Variants in RPS6KA3 observed in about 807,000 individuals in gnomAD.
The protein encoded by RPS6KA3 is ribosomal protein S6 kinase A3.
RPS6KA3 carries 4 observed loss-of-function variants against 67.2 expected under a neutral mutation model. The observed-to-expected ratio is 0.06, with a 90% confidence interval of 0.03 to 0.14. RPS6KA3 has a LOEUF of 0.14. Among genes scored for constraint, RPS6KA3 ranks in the 10% least tolerant of loss-of-function variants. The pLI is 1.00. For missense variants in RPS6KA3, 204 were observed against 559.0 expected, an observed-to-expected ratio of 0.36 and a Z score of 6.40; for synonymous variants, 182 against 183.7, an observed-to-expected ratio of 0.99 and a Z score of 0.07.
intron 2 of RPS6KA3, among the ~76,000 whole-genome samples, chrX:20,219,261 T>A (rs1464807522): frequency 9.0e-6 from 1 of 111,705 alleles, no homozygotes; most frequent in South Asian, 3.7e-4. Flanking sequence ...TTGCCACTAC[T>A]AAAAGTTGCT....
intron 1 of RPS6KA3, among the ~76,000 whole-genome samples, chrX:20,256,007 G>A (rs1244674510): frequency 9.7e-6 from 1 of 103,138 alleles, no homozygotes; most frequent in African/African-American, 3.6e-5. Context: ...CTACTCGGGA[G>A]GCTGAGGCAG....
At chrX:20,229,690 C>A (rs1332184117) in intron 2 of RPS6KA3, among the ~76,000 whole-genome samples, 1 of 112,209 alleles carries the variant, frequency 8.9e-6, no homozygotes, top group African/African-American at 3.2e-5. Flanking sequence ...AAAGCAAATA[C>A]AATTTTAAAT....
At chrX:20,254,284 C>T (rs902660910) in intron 1 of RPS6KA3, among the ~76,000 whole-genome samples, 2 of 112,150 alleles carry the variant, frequency 1.8e-5, no homozygotes, top group Non-Finnish European at 3.8e-5. Flanking sequence ...AACTCTTGCA[C>T]TTTTGCTTTA....
At chrX:20,231,441 TGGAAGA>T (rs1463975547) in intron 2 of RPS6KA3, among the ~76,000 whole-genome samples, 1 of 112,022 alleles carries the variant, frequency 8.9e-6, no homozygotes, top group Non-Finnish European at 1.9e-5. Context: ...AAAGTTTATC[TGGAAGA>T]TTAAATGTGT....
At chrX:20,163,173 G>A in intron 18 of RPS6KA3, 133 bp from the exon 19 acceptor site, 1 of 487,276 alleles carries the variant, frequency 2.1e-6, no homozygotes, top group Non-Finnish European at 3.7e-6. Flanking sequence ...ACCAAATAAG[G>A]CAATACGTTA....
chrX:20,172,494 C>T (rs1226708232), intron 15 of RPS6KA3, among the ~76,000 whole-genome samples: 1 of 111,309 alleles, frequency 9.0e-6, no homozygotes, highest in Non-Finnish European at 1.9e-5. Flanking sequence ...CTTTAAAAAT[C>T]ACTTGAGGTA....
intron 4 of RPS6KA3, among the ~76,000 whole-genome samples, chrX:20,200,424 ACT>A (rs1272369852): frequency 8.9e-6 from 1 of 112,041 alleles, no homozygotes; most frequent in East Asian, 2.8e-4. Context: ...ATATGATAAG[ACT>A]CTACAGATAT....
chrX:20,224,171 T>C (rs1037628390), intron 2 of RPS6KA3, among the ~76,000 whole-genome samples: 8 of 111,556 alleles, frequency 7.2e-5, no homozygotes, highest in Non-Finnish European at 1.1e-4. Context: ...CAAGTTCTTA[T>C]AGTTTGGATG....
rs1035517287 is a variant in RPS6KA3, at chrX:20,153,727, C to A, written c.*1671G>T. On this transcript the variant is annotated 3_prime_UTR_variant, in exon 22 of 22. Coordinates refer to ENST00000379565, the MANE Select transcript of RPS6KA3 (RefSeq NM_004586.3). The stretch of plus-strand genomic sequence containing the variant: ...CACCACCTCCCAGGTTCAAGCGATT[C>A]TCCTGCCTCAGCCTCCTGAGTAGCT... 3 of 110,044 alleles carry A rather than the reference C, an allele frequency of 2.7e-5. No homozygotes were observed. Among genetic ancestry groups the A allele is most frequent in the Non-Finnish European group, 5.7e-5 (3 of 52,841 alleles). The allele number at this position is 110,044 out of a possible 1,213,427, so 9.1% of individuals were successfully genotyped here.
At chrX:20,249,642 G>C (rs181981160) in intron 1 of RPS6KA3, among the ~76,000 whole-genome samples, 47 of 111,867 alleles carry the variant, frequency 4.2e-4, no homozygotes, top group African/African-American at 1.5e-3. Context: ...TGCCTGGATT[G>C]CTTGTCTTTG....
chrX:20,167,098 T>A (rs750982679), intron 17 of RPS6KA3, among the ~76,000 whole-genome samples: 1 of 111,978 alleles, frequency 8.9e-6, no homozygotes, highest in East Asian at 2.8e-4. Flanking sequence ...ATGCTGGGAT[T>A]ACAGGCATAA....
intron 4 of RPS6KA3, among the ~76,000 whole-genome samples, chrX:20,201,703 T>C (rs939701238): frequency 1.7e-4 from 19 of 111,497 alleles, no homozygotes; most frequent in African/African-American, 5.9e-4. Context: ...TTGTAATCTA[T>C]CACTAACATT....
intron 15 of RPS6KA3, among the ~76,000 whole-genome samples, chrX:20,170,757 A>G (rs1192320112): frequency 1.8e-5 from 2 of 109,743 alleles, no homozygotes; most frequent in African/African-American, 3.3e-5. Context: ...GACCACAGGC[A>G]CATACCACTA....
At chrX:20,240,555 T>G in intron 1 of RPS6KA3, 1 of 586,231 alleles carries the variant, frequency 1.7e-6, no homozygotes, top group Non-Finnish European at 2.1e-6. Flanking sequence ...ATAAGGAATG[T>G]ATATAATCCT....
Position 20,172,047 on chromosome X carries a change from A to C in RPS6KA3, c.1353+699T>G, listed in dbSNP as rs185500911. ...AAGAGTGATAACAACTAATGTCACTATCTCTCTAAACATGAGCTATGTATA... is the reference window on the plus strand; with the variant it reads ...AAGAGTGATAACAACTAATGTCACTCTCTCTCTAAACATGAGCTATGTATA... On this transcript the variant is annotated intron_variant, in intron 15 of 21. Coordinates refer to ENST00000379565, the MANE Select transcript of RPS6KA3 (RefSeq NM_004586.3). Among the ~76,000 whole-genome samples the C allele has an allele frequency of 3.6e-5, 4 of 112,105 alleles. No individual in the cohort carries two copies. The East Asian group carries it at 1.1e-3, about 31-fold the overall frequency.
chrX:20,242,361 A>G (rs1252470462), intron 1 of RPS6KA3, among the ~76,000 whole-genome samples: 1 of 112,085 alleles, frequency 8.9e-6, no homozygotes, highest in Non-Finnish European at 1.9e-5. Context: ...ATCACTAAAG[A>G]TAATAACTGG....
chrX:20,240,340 T>C (rs2069521338), intron 1 of RPS6KA3, among the ~76,000 whole-genome samples: 1 of 92,850 alleles, frequency 1.1e-5, no homozygotes, highest in Admixed American at 1.2e-4. Flanking sequence ...CACAAGTATA[T>C]CTACTTTCCA....
At chrX:20,186,817 T>A (rs1398701808) in intron 9 of RPS6KA3, among the ~76,000 whole-genome samples, 5 of 112,277 alleles carry the variant, frequency 4.5e-5, no homozygotes, top group African/African-American at 1.6e-4. Flanking sequence ...ATTTGATAGA[T>A]ATGCCAATTT....
At chrX:20,158,365 CAA>C (rs1209085517) in intron 20 of RPS6KA3, among the ~76,000 whole-genome samples, 5 of 28,714 alleles carry the variant, frequency 1.7e-4, no homozygotes, top group South Asian at 2.6e-3. Context: ...GACTCTATCT[CAA>C]AAAAAAAAAA....
Sources: allele counts gnomAD v4.1 joint callset (sites outside exome capture counted in the v4.1 genomes callset), GRCh38; gene constraint gnomAD v4.1.1; transcripts MANE v1.5; gene names NCBI Gene and HGNC (gene_info 2026-07-23, HGNC 2026-07-21).